SLC35F4: variants seen among roughly 807,000 people sequenced by gnomAD.
The protein encoded by SLC35F4 is solute carrier family 35 member F4, also known as chromosome 14 open reading frame 36.
A neutral mutation model predicts 44.2 loss-of-function variants in SLC35F4; 24 were observed. The ratio of observed to expected loss-of-function variants is 0.54; its 90% confidence interval spans 0.39 to 0.76. The LOEUF is 0.76. Ranked by LOEUF, SLC35F4 falls within the 30% of genes least tolerant of loss-of-function variation. The pLI, the probability that SLC35F4 is intolerant of heterozygous loss-of-function variation, is 0.00. For missense variants in SLC35F4, 562 were observed against 586.1 expected (o/e 0.96, Z 0.42); for synonymous variants, 238 against 223.6 (o/e 1.06, Z -0.57).
chr14:57,858,208 C>T (rs1347134314), intron 1 of SLC35F4, among the ~76,000 whole-genome samples: 1 of 152,004 alleles, frequency 6.6e-6, no homozygotes, highest in African/African-American at 2.4e-5. Context: ...ATAAATCATG[C>T]TGCTATAAAG....
chr14:57,569,954 A>G lies in SLC35F4; in HGVS notation c.960T>C (p.Ser320=). The part of the protein sequence containing the change: ...YKVLFKMFLG[S]ANFGEAAHFV... ...AGTGTGCAGCTTCCCCAAAGTTGGC[A>G]CTTCCAAGAAACATTTTAAACAAGA... Residue 320 remains serine (S), a synonymous_variant, in exon 6 of 8, where the codon AGT becomes AGC. Transcript: ENST00000556826. The G allele has an allele frequency of 6.2e-7, 1 of 1,608,680 alleles. No individual in the cohort carries two copies. The highest frequency in any genetic ancestry group is 8.5e-7 in the Non-Finnish European group (1 of 1,178,200).
At chr14:57,748,132 C>A (rs963274707) in intron 1 of SLC35F4, among the ~76,000 whole-genome samples, 1 of 152,122 alleles carries the variant, frequency 6.6e-6, no homozygotes, top group Non-Finnish European at 1.5e-5. Flanking sequence ...TCTAATGAAG[C>A]CAGCTTGACT....
chr14:57,781,453 A>G (rs1339575090), intron 1 of SLC35F4, among the ~76,000 whole-genome samples: 3 of 152,190 alleles, frequency 2.0e-5, no homozygotes, highest in African/African-American at 7.2e-5. Flanking sequence ...GAATGTTTAT[A>G]CACTGTTGGT....
chr14:57,903,507 A>G (rs2054430273), intron 1 of SLC35F4, among the ~76,000 whole-genome samples: 1 of 152,212 alleles, frequency 6.6e-6, no homozygotes, highest in Non-Finnish European at 1.5e-5. Context: ...TTACAGTTTG[A>G]TCAAGGGGAG....
intron 1 of SLC35F4, among the ~76,000 whole-genome samples, chr14:57,854,633 C>T (rs1044711384): frequency 6.6e-6 from 1 of 152,220 alleles, no homozygotes; most frequent in Non-Finnish European, 1.5e-5. Context: ...TGCTACCTCT[C>T]TCCCAACTTC....
At chr14:57,694,859 C>G (rs1228897908) in intron 1 of SLC35F4, among the ~76,000 whole-genome samples, 1 of 151,954 alleles carries the variant, frequency 6.6e-6, no homozygotes, top group Non-Finnish European at 1.5e-5. Flanking sequence ...TTACAATTAC[C>G]TAATTGTATA....
rs238388 is a variant in SLC35F4 at position 57,581,735 on chromosome 14, C to T, written c.588-302G>A. Among the ~76,000 whole-genome samples the T allele has an allele frequency of 9.9e-5, 15 of 151,626 alleles. No homozygotes were observed. The East Asian group carries it at 2.5e-3, about 26-fold the overall frequency. Reference sequence around the variant, plus strand: ...TTCTCAGAAGAGCCTGCAGAAATACCGAAATTGGTAGTTGCTGAAATCACT... The same window carrying T: ...TTCTCAGAAGAGCCTGCAGAAATACTGAAATTGGTAGTTGCTGAAATCACT... On this transcript the variant is annotated intron_variant, in intron 3 of 7. Transcript: ENST00000556826.
upstream of SLC35F4, among the ~76,000 whole-genome samples, chr14:57,868,438 GTTA>G (rs1284747664): frequency 6.6e-6 from 1 of 151,492 alleles, no homozygotes; most frequent in Non-Finnish European, 1.5e-5. Context: ...CATTTTAGAC[GTTA>G]TTAACAATTT....
chr14:57,605,026 C>T (rs899010251), intron 1 of SLC35F4, among the ~76,000 whole-genome samples: 1 of 152,058 alleles, frequency 6.6e-6, no homozygotes, highest in African/African-American at 2.4e-5. Flanking sequence ...CTAGGAAATA[C>T]CCTTCTCAAT....
At chr14:57,725,646 G>T (rs1452982636) in intron 1 of SLC35F4, among the ~76,000 whole-genome samples, 1 of 152,170 alleles carries the variant, frequency 6.6e-6, no homozygotes, top group African/African-American at 2.4e-5. Context: ...TTATCATGTT[G>T]CCCATCATCC....
At chr14:57,946,769 T>C (rs1890040591) in intron 1 of SLC35F4, among the ~76,000 whole-genome samples, 1 of 152,110 alleles carries the variant, frequency 6.6e-6, no homozygotes, top group Non-Finnish European at 1.5e-5. Flanking sequence ...AGCCACCACG[T>C]TGGCCATATT....
chr14:57,618,045 T>A (rs535034007), intron 1 of SLC35F4, among the ~76,000 whole-genome samples: 2 of 152,276 alleles, frequency 1.3e-5, no homozygotes, highest in East Asian at 3.9e-4. Context: ...TTTTTACATT[T>A]CAGTAATAAA....
chr14:57,587,138 A>G (rs2069807981), intron 3 of SLC35F4, among the ~76,000 whole-genome samples: 1 of 152,230 alleles, frequency 6.6e-6, no homozygotes, highest in Non-Finnish European at 1.5e-5. Context: ...GCAGGAGAGG[A>G]TGTGGAGAAA....
intron 1 of SLC35F4, among the ~76,000 whole-genome samples, chr14:57,762,171 C>T (rs1265285727): frequency 6.6e-6 from 1 of 152,126 alleles, no homozygotes; most frequent in Non-Finnish European, 1.5e-5. Context: ...ATTCCTGCTG[C>T]TAGGATTGAG....
Position 57,623,968 on chromosome 14 carries a change from G to A in SLC35F4, c.104-29844C>T, listed in dbSNP as rs942154494. 1.5e-4 allele frequency among the ~76,000 whole-genome samples: 23 copies of A among 152,150 alleles called. 1 individual carries two copies. Among genetic ancestry groups the A allele is most frequent in the Admixed American group, 1.2e-3 (18 of 15,258 alleles). ...CTAAGATTAGAGCAGAACTGAAGGA[G>A]ATAGAGACACAAAAATCCCTTCAAA... On this transcript the variant is annotated intron_variant, in intron 1 of 7. Coordinates refer to ENST00000556826, the MANE Select transcript of SLC35F4 (RefSeq NM_001306087.2).
At position 57,722,048 on chromosome 14, in the gene SLC35F4, T is replaced by G. The variant is rs139532253; in HGVS notation, c.104-127924A>C. On this transcript the variant is annotated intron_variant, in intron 1 of 7. Transcript: ENST00000556826. ...GAGTGTGACCCATGAGGAGGTACAC[T>G]ACACTCAAAAAGAACTGCTTGAGTT... 7.7e-3 allele frequency among the ~76,000 whole-genome samples: 1,170 copies of G among 152,282 alleles called. 7 individuals carry two copies. The highest frequency in any genetic ancestry group is 0.017 in the Middle Eastern group (5 of 294).
chr14:57,791,662 C>T (rs937227411), intron 1 of SLC35F4, among the ~76,000 whole-genome samples: 5 of 151,500 alleles, frequency 3.3e-5, no homozygotes, highest in South Asian at 2.1e-4. Flanking sequence ...AACACATGCA[C>T]ATGTATATTT....
chr14:57,718,340 CTT>C (rs2075996133), intron 1 of SLC35F4, among the ~76,000 whole-genome samples: 4 of 151,320 alleles, frequency 2.6e-5, no homozygotes, highest in South Asian at 2.1e-4. Flanking sequence ...TACTGATTTC[CTT>C]TCTTTTGAGT....
chr14:57,652,259 C>G (rs542944447), intron 1 of SLC35F4, among the ~76,000 whole-genome samples: 43 of 152,260 alleles, frequency 2.8e-4, no homozygotes, highest in Non-Finnish European at 5.7e-4. Flanking sequence ...TATCAATAAA[C>G]CAGAAACAAG....
Sources: allele counts gnomAD v4.1 joint callset (sites outside exome capture counted in the v4.1 genomes callset), GRCh38; gene constraint gnomAD v4.1.1; transcripts MANE v1.5; gene names NCBI Gene and HGNC (gene_info 2026-07-23, HGNC 2026-07-21).